The following KSR2 variants were observed in gnomAD, a reference collection of about 807,000 sequenced individuals.
KSR2 encodes the protein kinase suppressor of ras 2.
KSR2 carries 25 observed loss-of-function variants against 107.8 expected under a neutral mutation model. That is an observed-to-expected ratio of 0.23 (90% CI 0.17 to 0.32). KSR2 has a LOEUF of 0.32. Ranked by LOEUF, KSR2 falls within the 10% of genes least tolerant of loss-of-function variation. The pLI is 1.00. For missense variants in KSR2, 887 were observed against 1,268.9 expected, an observed-to-expected ratio of 0.70 and a Z score of 4.57; for synonymous variants, 480 against 507.0, an observed-to-expected ratio of 0.95 and a Z score of 0.71.
At position 117,941,742 on chromosome 12, in the gene KSR2, T is replaced by G. The variant is rs190072390; in HGVS notation, c.180+26334A>C. 3.8e-3 allele frequency among the ~76,000 whole-genome samples: 534 copies of G among 141,674 alleles called. 3 individuals carry two copies. The highest frequency in any genetic ancestry group is 7.8e-3 in the Admixed American group (105 of 13,482). The allele number at this position is 141,674 out of a possible 152,430, so 92.9% of individuals were successfully genotyped here. A position where few individuals can be genotyped will look rare whatever the true frequency, so the allele number is the denominator to read the frequency against. On this transcript the variant is annotated intron_variant, in intron 1 of 19. Transcript: ENST00000339824. Reference sequence around the variant, plus strand: ...CCCTGATTCAAATGATTCTCGTGCCTCAACCTCCCAAGTAGCTGGGACTCG... The same window carrying G: ...CCCTGATTCAAATGATTCTCGTGCCGCAACCTCCCAAGTAGCTGGGACTCG...
At chr12:117,561,862 T>C (rs1341194162) in intron 7 of KSR2, among the ~76,000 whole-genome samples, 2 of 152,210 alleles carry the variant, frequency 1.3e-5, no homozygotes, top group Non-Finnish European at 2.9e-5. Context: ...AAAGCCCTGA[T>C]GCAGAGCTCT....
rs111374641 is a variant in KSR2 at position 117,865,319 on chromosome 12, T to C, written c.181-4888A>G. Among the ~76,000 whole-genome samples the C allele has an allele frequency of 2.4e-3, 373 of 152,320 alleles. 3 individuals are homozygous for C. The highest frequency in any genetic ancestry group is 8.6e-3 in the African/African-American group (356 of 41,570). ...CTATTTATAGAAATTACATGAAAGA[T>C]ATACAAACTTACATCATTGGCAATA... On this transcript the variant is annotated intron_variant, in intron 1 of 19. Coordinates refer to ENST00000339824, the MANE Select transcript of KSR2 (RefSeq NM_173598.6).
At chr12:117,693,865 C>T (rs1426172234) in intron 4 of KSR2, among the ~76,000 whole-genome samples, 4 of 152,198 alleles carry the variant, frequency 2.6e-5, no homozygotes, top group Admixed American at 2.6e-4. Flanking sequence ...TAAAATCAGG[C>T]TTCTAGAAGA....
At chr12:117,879,437 T>C (rs1303108007) in intron 1 of KSR2, among the ~76,000 whole-genome samples, 1 of 152,264 alleles carries the variant, frequency 6.6e-6, no homozygotes, top group Admixed American at 6.5e-5. Context: ...AGTTTAATTT[T>C]TCAGGCTTAT....
chr12:117,784,037 A>AT (rs1193209249), intron 3 of KSR2, among the ~76,000 whole-genome samples: 5 of 152,090 alleles, frequency 3.3e-5, no homozygotes, highest in Non-Finnish European at 5.9e-5. Flanking sequence ...ATTTTTTTTA[A>AT]TTTTTTAATA....
chr12:117,867,323 A>C (rs1313649059), intron 1 of KSR2, among the ~76,000 whole-genome samples: 1 of 152,120 alleles, frequency 6.6e-6, no homozygotes, highest in Non-Finnish European at 1.5e-5. Context: ...ATTTAAAAAA[A>C]AAAAGGGAAA....
At chr12:117,591,234 G>A (rs559927280) in intron 5 of KSR2, among the ~76,000 whole-genome samples, 7 of 152,298 alleles carry the variant, frequency 4.6e-5, no homozygotes, top group African/African-American at 1.7e-4. Context: ...CATGGGGGCA[G>A]AGGAAAAGAA....
At chr12:117,648,956 G>A (rs1050431063) in intron 5 of KSR2, among the ~76,000 whole-genome samples, 1 of 152,220 alleles carries the variant, frequency 6.6e-6, no homozygotes, top group African/African-American at 2.4e-5. Context: ...CGCAACAGCT[G>A]AATGTCTACG....
rs148877309 is a variant in KSR2, at chr12:117,748,309, G to T, written c.986+12702C>A. Among the ~76,000 whole-genome samples, 117 of 152,290 alleles carry T rather than the reference G, an allele frequency of 7.7e-4. 1 individual carries two copies. Among genetic ancestry groups the T allele is most frequent in the African/African-American group, 2.7e-3 (114 of 41,564 alleles). ...TGGCAGGAAGGAGGCAGTGGAATGG[G>T]GAGATATTGGTTAAAGGGTACAAAG... On this transcript the variant is annotated intron_variant, in intron 4 of 19. Transcript: ENST00000339824.
intron 16 of KSR2, 37 bp downstream of exon 16, chr12:117,484,379 G>T: frequency 1.9e-6 from 3 of 1,610,810 alleles, no homozygotes; most frequent in Non-Finnish European, 2.5e-6. Context: ...ACCATCATCT[G>T]TCAGGAAACT....
intron 14 of KSR2, among the ~76,000 whole-genome samples, chr12:117,522,578 G>A (rs534414857): frequency 6.6e-6 from 1 of 152,326 alleles, no homozygotes; most frequent in East Asian, 1.9e-4. Flanking sequence ...TCCCCACCCT[G>A]CATCCATGTC....
intron 4 of KSR2, among the ~76,000 whole-genome samples, chr12:117,738,693 A>G (rs1267313952): frequency 6.6e-6 from 1 of 151,920 alleles, no homozygotes; most frequent in East Asian, 1.9e-4. Context: ...TGGCCAACAC[A>G]GTGAAACCCC....
At chr12:117,803,829 C>T (rs1398489801) in intron 3 of KSR2, among the ~76,000 whole-genome samples, 2 of 152,154 alleles carry the variant, frequency 1.3e-5, no homozygotes, top group Non-Finnish European at 1.5e-5. Flanking sequence ...CCATCATTGT[C>T]CCCATTTTAC....
At chr12:117,731,700 T>C (rs866789914) in intron 4 of KSR2, among the ~76,000 whole-genome samples, 35 of 152,222 alleles carry the variant, frequency 2.3e-4, no homozygotes, top group Admixed American at 1.2e-3. Context: ...AGAAAAATTC[T>C]TCTGCCTTGG....
At chr12:117,743,376 T>C (rs1888292745) in intron 4 of KSR2, among the ~76,000 whole-genome samples, 1 of 152,234 alleles carries the variant, frequency 6.6e-6, no homozygotes, top group Admixed American at 6.5e-5. Flanking sequence ...AATGTGCTCC[T>C]GGAGGGAAAT....
chr12:117,755,953 T>G (rs1190436251), intron 4 of KSR2, among the ~76,000 whole-genome samples: 1 of 152,216 alleles, frequency 6.6e-6, no homozygotes, highest in African/African-American at 2.4e-5. Flanking sequence ...CAACATTCCC[T>G]TAAGTCAAAG....
chr12:117,579,669 A>T (rs1483441850), intron 6 of KSR2, among the ~76,000 whole-genome samples: 1 of 152,176 alleles, frequency 6.6e-6, no homozygotes, highest in Non-Finnish European at 1.5e-5. Flanking sequence ...GACCAGCTGA[A>T]CCATCTCCCA....
At chr12:117,616,644 T>C (rs1327653910) in intron 5 of KSR2, among the ~76,000 whole-genome samples, 1 of 152,180 alleles carries the variant, frequency 6.6e-6, no homozygotes, top group African/African-American at 2.4e-5. Context: ...CCAGCTCAGC[T>C]CCTGAGCACA....
intron 14 of KSR2, among the ~76,000 whole-genome samples, chr12:117,495,967 T>C (rs1265100668): frequency 6.7e-6 from 1 of 150,364 alleles, no homozygotes; most frequent in Non-Finnish European, 1.5e-5. Context: ...GGCAGGAGAA[T>C]TGCCTGAACC....
Sources: gnomAD v4.1 joint callset for allele counts (sites outside exome capture counted in the v4.1 genomes callset) on GRCh38, gnomAD v4.1.1 for gene constraint, MANE v1.5 for transcripts, NCBI Gene and HGNC (gene_info 2026-07-23, HGNC 2026-07-21) for gene names.